POU2AF1: variants seen among roughly 807,000 people sequenced by gnomAD.
POU2AF1 encodes the protein POU class 2 homeobox associating factor 1.
Under a neutral mutation model 26.3 loss-of-function variants are expected in POU2AF1, and 12 were observed. The ratio of observed to expected loss-of-function variants is 0.46; its 90% CI spans 0.29 to 0.74. The LOEUF is 0.74. POU2AF1 is among the 30% of genes least tolerant of loss of function. POU2AF1 has a pLI of 0.09. For missense variants in POU2AF1, 297 were observed against 334.5 expected (o/e 0.89, Z 0.87); for synonymous variants, 175 against 148.0 (o/e 1.18, Z -1.32).
intron 1 of POU2AF1, among the ~76,000 whole-genome samples, chr11:111,376,423 G>C (rs1317452193): frequency 6.6e-6 from 1 of 152,152 alleles, no homozygotes; most frequent in Non-Finnish European, 1.5e-5. Flanking sequence ...CCCAGGGAGA[G>C]AATCTACAGA....
intron 1 of POU2AF1, among the ~76,000 whole-genome samples, chr11:111,377,258 T>C (rs1184523798): frequency 3.3e-5 from 5 of 149,590 alleles, no homozygotes; most frequent in Admixed American, 2.7e-4. Flanking sequence ...CGGGCACCTG[T>C]AGTCCCAGCT....
chr11:111,362,206 T>A (rs977765324), intron 1 of POU2AF1, among the ~76,000 whole-genome samples: 4 of 152,210 alleles, frequency 2.6e-5, no homozygotes, highest in African/African-American at 7.2e-5. Context: ...TGTATATATT[T>A]ATGGGGTACA....
chr11:111,364,615 T>G (rs1861069975), intron 1 of POU2AF1, among the ~76,000 whole-genome samples: 1 of 152,222 alleles, frequency 6.6e-6, no homozygotes, highest in Non-Finnish European at 1.5e-5. Flanking sequence ...GAGAAGGTCC[T>G]TCTCCCAGCC....
At chr11:111,378,692 G>C (rs1480889510) in intron 1 of POU2AF1, among the ~76,000 whole-genome samples, 1 of 144,230 alleles carries the variant, frequency 6.9e-6, no homozygotes, top group Non-Finnish European at 1.5e-5. Flanking sequence ...AGTCACACCT[G>C]GCAGAAAGCT....
chr11:111,369,556 A>G, intron 1 of POU2AF1, among the ~76,000 whole-genome samples: 1 of 152,224 alleles, frequency 6.6e-6, no homozygotes, highest in Non-Finnish European at 1.5e-5. Context: ...GGCAATGGGC[A>G]AGGGAGGGCT....
intron 1 of POU2AF1, among the ~76,000 whole-genome samples, chr11:111,367,424 G>A (rs530519560): frequency 2.4e-4 from 36 of 151,980 alleles, no homozygotes; most frequent in South Asian, 1.7e-3. Context: ...TTCCTCTTCC[G>A]CTCCCTTCCT....
At position 111,354,532 on chromosome 11, in the gene POU2AF1, C is replaced by A. The variant is rs753286475; in HGVS notation, c.500G>T (p.Gly167Val). Residue 167 changes from glycine (G) to valine (V), a missense_variant, in exon 5 of 5, where the codon GGC (glycine) becomes GTC (valine). Coordinates refer to ENST00000393067, the MANE Select transcript of POU2AF1 (RefSeq NM_006235.3). The stretch of plus-strand genomic sequence containing the variant: ...GGTGAGGGGTGCCTGGTGCTCTGGG[C>A]CCTCCAGCGGGGGCCCCACTGCGGG... Reference protein sequence around the residue: ...ATPAVGPPLEGPEHQAPLTYF... With the variant: ...ATPAVGPPLEVPEHQAPLTYF... 4 of 1,560,950 alleles carry A rather than the reference C, an allele frequency of 2.6e-6. No homozygotes were observed. The East Asian group carries it at 6.8e-5, about 27-fold the overall frequency.
chr11:111,370,658 A>C (rs1005877906), intron 1 of POU2AF1, among the ~76,000 whole-genome samples: 1 of 152,184 alleles, frequency 6.6e-6, no homozygotes, highest in Non-Finnish European at 1.5e-5. Context: ...TCTACAGTAG[A>C]TTTGGTTTGA....
chr11:111,370,404 G>A (rs1031266916), intron 1 of POU2AF1, among the ~76,000 whole-genome samples: 1 of 152,150 alleles, frequency 6.6e-6, no homozygotes, highest in African/African-American at 2.4e-5. Flanking sequence ...GAAGACCAAT[G>A]CAATATGTTT....
intron 1 of POU2AF1, among the ~76,000 whole-genome samples, chr11:111,375,234 C>T (rs1861284711): frequency 1.3e-5 from 2 of 152,092 alleles, no homozygotes; most frequent in Non-Finnish European, 2.9e-5. Context: ...CACTTTCTAA[C>T]AAATGGAGTT....
At position 111,353,293 on chromosome 11, in the gene POU2AF1, A is replaced by G. The variant is rs903776671; in HGVS notation, c.*968T>C. On this transcript the variant is annotated 3_prime_UTR_variant, in exon 5 of 5. Transcript: ENST00000393067. ...TTTCCTTTAGTTTATTGTTCTTCTT[A>G]ATAACCAAGTAATCTGGAGCCAAGT... The G allele has an allele frequency of 4.3e-6, 1 of 233,540 alleles. No homozygotes were observed. Among genetic ancestry groups the G allele is most frequent in the Non-Finnish European group, 8.5e-6 (1 of 118,132 alleles). The allele number at this position is 233,540 out of a possible 1,614,324, so 14.5% of individuals were successfully genotyped here.
At chr11:111,369,172 A>G (rs1861161483) in intron 1 of POU2AF1, among the ~76,000 whole-genome samples, 2 of 152,230 alleles carry the variant, frequency 1.3e-5, no homozygotes, top group South Asian at 4.1e-4. Context: ...GGCTGGTAAA[A>G]GACTTCGCTT....
At position 111,354,554 on chromosome 11, in the gene POU2AF1, C is replaced by T. The variant is rs773445239; in HGVS notation, c.478G>A (p.Ala160Thr). The stretch of plus-strand genomic sequence containing the variant: ...GGGCCCTCCAGCGGGGGCCCCACTG[C>T]GGGCGTGGCGGAGCTTCTTGTCTGT... ...NVTTRSSATP[A>T]VGPPLEGPEH... Residue 160 changes from alanine (A) to threonine (T), a missense_variant, in exon 5 of 5, where the codon GCA (alanine) becomes ACA (threonine). Physicochemically the swap from Ala to Thr is moderately conservative, Grantham distance 58. Transcript: ENST00000393067. 89 of 1,533,130 alleles carry T rather than the reference C, an allele frequency of 5.8e-5. 1 individual carries two copies. In the East Asian group the frequency reaches 1.5e-3, roughly 26 times the overall value. The allele number at this position is 1,533,130 out of a possible 1,614,324, so 95.0% of individuals were successfully genotyped here.
At chr11:111,366,049 T>A (rs1327816855) in intron 1 of POU2AF1, among the ~76,000 whole-genome samples, 1 of 152,232 alleles carries the variant, frequency 6.6e-6, no homozygotes, top group African/African-American at 2.4e-5. Context: ...GTTCTTTCCA[T>A]TCATGGACAA....
intron 1 of POU2AF1, among the ~76,000 whole-genome samples, chr11:111,366,419 A>G (rs1180708808): frequency 1.3e-5 from 2 of 152,216 alleles, no homozygotes; most frequent in Non-Finnish European, 2.9e-5. Context: ...GTACAATTTG[A>G]TGTTGCCTGC....
intron 1 of POU2AF1, among the ~76,000 whole-genome samples, 175 bp downstream of exon 1, chr11:111,378,987 A>C (rs1861366294): frequency 6.6e-6 from 1 of 151,512 alleles, no homozygotes; most frequent in Non-Finnish European, 1.5e-5. Flanking sequence ...TGGTTTCTCC[A>C]CCAGGCTCCA....
chr11:111,360,942 CA>C (rs200008065), intron 1 of POU2AF1, among the ~76,000 whole-genome samples: 5,527 of 86,640 alleles, frequency 0.064, 117 homozygotes, highest in African/African-American at 0.11. Flanking sequence ...GACTCTGTCT[CA>C]AAAAAAAAAA....
chr11:111,377,560 A>G (rs1398424892), intron 1 of POU2AF1, among the ~76,000 whole-genome samples: 1 of 152,208 alleles, frequency 6.6e-6, no homozygotes, highest in African/African-American at 2.4e-5. Context: ...CACCTCACTT[A>G]CTAAGGATAG....
intron 1 of POU2AF1, among the ~76,000 whole-genome samples, chr11:111,378,232 G>T (rs540905667): frequency 1.3e-5 from 2 of 152,114 alleles, no homozygotes; most frequent in Non-Finnish European, 2.9e-5. Context: ...CTTATATTAA[G>T]CTTGCTTGAG....
Sources: gnomAD v4.1 joint callset for allele counts (sites outside exome capture counted in the v4.1 genomes callset) on GRCh38, gnomAD v4.1.1 for gene constraint, MANE v1.5 for transcripts, NCBI Gene and HGNC (gene_info 2026-07-23, HGNC 2026-07-21) for gene names.